FAF2: variants seen among roughly 807,000 people sequenced by gnomAD.
FAF2 encodes FAS-associated factor 2.
In FAF2, 9 loss-of-function variants were observed where a neutral mutation model predicts 62.3. The ratio of observed to expected loss-of-function variants is 0.14; its 90% CI spans 0.09 to 0.25. FAF2 has a LOEUF of 0.25. FAF2 is among the 10% of genes least tolerant of loss of function. FAF2 has a pLI of 1.00. For synonymous variants in FAF2, 202 were observed against 198.0 expected, an observed-to-expected ratio of 1.02 and a Z score of -0.17; for missense variants, 368 against 556.2, an observed-to-expected ratio of 0.66 and a Z score of 3.40.
At chr5:176,498,430 T>TA (rs1755536625) in intron 8 of FAF2, among the ~76,000 whole-genome samples, 1 of 152,214 alleles carries the variant, frequency 6.6e-6, no homozygotes, top group South Asian at 2.1e-4. Flanking sequence ...AAATAGGAGA[T>TA]ATGCCAAATG....
chr5:176,486,405 C>T lies in FAF2; in HGVS notation c.183C>T (p.Phe61=), dbSNP rs2113737194. Residue 61 remains phenylalanine, a synonymous_variant, in exon 3 of 11, where the codon TTC becomes TTT. Transcript: ENST00000261942. Reference sequence around the variant, plus strand: ...AGCAAGAGGGCGTACCTAGTGTTTTCAACCCACCTCCATCACGACCCCTGC... The same window carrying T: ...AGCAAGAGGGCGTACCTAGTGTTTTTAACCCACCTCCATCACGACCCCTGC... The part of the protein sequence containing the change: ...LNEQEGVPSV[F]NPPPSRPLQV... 1.2e-5 allele frequency: 20 copies of T among 1,614,202 alleles called. No individual in the cohort carries two copies. Among genetic ancestry groups the T allele is most frequent in the Non-Finnish European group, 1.7e-5 (20 of 1,180,024 alleles).
intron 2 of FAF2, among the ~76,000 whole-genome samples, chr5:176,479,727 C>T (rs1758758957): frequency 6.6e-6 from 1 of 151,670 alleles, no homozygotes; most frequent in Non-Finnish European, 1.5e-5. Context: ...GACAAAGTCT[C>T]GCTCCGTCTC....
intron 9 of FAF2, 73 bp downstream of exon 9, chr5:176,499,158 A>T: frequency 7.1e-7 from 1 of 1,403,064 alleles, no homozygotes; most frequent in African/African-American, 1.4e-5. Context: ...CTTAAGTGTG[A>T]AAGGAAAAAA....
intron 1 of FAF2, among the ~76,000 whole-genome samples, chr5:176,452,955 G>T (rs1758215496): frequency 6.6e-6 from 1 of 152,112 alleles, no homozygotes; most frequent in Non-Finnish European, 1.5e-5. Flanking sequence ...TCTTCATTTG[G>T]TATATTGAAA....
At position 176,509,817 on chromosome 5, in the gene FAF2, A is replaced by T. The variant is rs1016976252; in HGVS notation, c.*2867A>T. ...AGAAAATGACTGAGAAGGAGCGATA[A>T]CCCCCAGAATGCAAAATCAGGGGCA... On this transcript the variant is annotated 3_prime_UTR_variant, in exon 11 of 11. Coordinates refer to ENST00000261942, the MANE Select transcript of FAF2 (RefSeq NM_014613.3). The T allele has an allele frequency of 2.0e-5, 3 of 152,578 alleles. No homozygotes were observed. Among genetic ancestry groups the T allele is most frequent in the African/African-American group, 7.2e-5 (3 of 41,438 alleles). The allele number at this position is 152,578 out of a possible 1,614,324, so 9.5% of individuals were successfully genotyped here. A position where few individuals can be genotyped will look rare whatever the true frequency, so the allele number is the denominator to read the frequency against.
chr5:176,455,249 A>G (rs561880234), intron 1 of FAF2, among the ~76,000 whole-genome samples: 3 of 152,270 alleles, frequency 2.0e-5, no homozygotes, highest in African/African-American at 4.8e-5. Flanking sequence ...CAGCCTGGGC[A>G]ACATGGTGAA....
At chr5:176,481,279 C>T (rs1425380470) in intron 2 of FAF2, among the ~76,000 whole-genome samples, 1 of 152,110 alleles carries the variant, frequency 6.6e-6, no homozygotes, top group Non-Finnish European at 1.5e-5. Flanking sequence ...ATCTCCTGAC[C>T]TTGTGATCCA....
chr5:176,506,797 G>A lies in FAF2; in HGVS notation c.1185G>A (p.Lys395=), dbSNP rs1257824063. 5 of 1,613,760 alleles carry A rather than the reference G, an allele frequency of 3.1e-6. No individual in the cohort carries two copies. In the African/African-American group the frequency reaches 4.0e-5, roughly 13 times the overall value. Residue 395 remains lysine, a synonymous_variant, in exon 11 of 11, where the codon AAG becomes AAA. Transcript: ENST00000261942. ...TCCACGACTTCTTATTCTCCTTGAA[G>A]GAAAGCCCAGAAAAGTTTCAGATTG... ...TVIHDFLFSL[K]ESPEKFQIEA... is the part of the protein sequence containing the mutation.
chr5:176,456,026 A>G (rs963516490), intron 1 of FAF2, among the ~76,000 whole-genome samples: 6 of 152,156 alleles, frequency 3.9e-5, no homozygotes, highest in African/African-American at 1.2e-4. Context: ...ATATGATTAT[A>G]TTATACTTAA....
intron 1 of FAF2, among the ~76,000 whole-genome samples, chr5:176,449,507 G>A (rs556862232): frequency 1.3e-5 from 2 of 152,172 alleles, no homozygotes; most frequent in East Asian, 1.9e-4. Context: ...CCCGGGAGGC[G>A]GAGGTTGCAG....
At chr5:176,473,751 T>A (rs1202158947) in intron 1 of FAF2, among the ~76,000 whole-genome samples, 1 of 152,238 alleles carries the variant, frequency 6.6e-6, no homozygotes. Context: ...CTGGGATCTT[T>A]TTCAGTTGAC....
chr5:176,479,950 C>T (rs1758761868), intron 2 of FAF2, among the ~76,000 whole-genome samples: 1 of 152,196 alleles, frequency 6.6e-6, no homozygotes, highest in Non-Finnish European at 1.5e-5. Flanking sequence ...CCCGCTCAGC[C>T]TTCCAAAGTG....
chr5:176,460,626 G>C (rs1347301011), intron 1 of FAF2, among the ~76,000 whole-genome samples: 1 of 151,074 alleles, frequency 6.6e-6, no homozygotes, highest in African/African-American at 2.4e-5. Context: ...GCTCACTGCA[G>C]CCTCTGCCTC....
In FAF2 at chr5:176,509,659, A is replaced by G. The variant is rs1581080680; in HGVS notation, c.*2709A>G. On this transcript the variant is annotated 3_prime_UTR_variant, in exon 11 of 11. Coordinates refer to ENST00000261942, the MANE Select transcript of FAF2 (RefSeq NM_014613.3). ...TACTTCTTTCTCCTTGCTTGCCTCC[A>G]CCATGATATTTGAATAAGAGATGGC... The G allele has an allele frequency of 1.3e-5, 2 of 152,602 alleles. No individual in the cohort carries two copies. Among genetic ancestry groups the G allele is most frequent in the African/African-American group, 4.8e-5 (2 of 41,446 alleles). The allele number at this position is 152,602 out of a possible 1,614,324, so 9.5% of individuals were successfully genotyped here.
chr5:176,460,192 A>T lies in FAF2; in HGVS notation c.63+11722A>T, dbSNP rs150230366. Among the ~76,000 whole-genome samples the T allele has an allele frequency of 4.6e-5, 7 of 152,306 alleles. No individual in the cohort carries two copies. The East Asian group carries it at 1.3e-3, about 29-fold the overall frequency. Reference sequence around the variant, plus strand: ...TATCATGAATAATGCTGTGATCAACATATGAGTGTGTGTCTTTTTGGTAGA... The same window carrying T: ...TATCATGAATAATGCTGTGATCAACTTATGAGTGTGTGTCTTTTTGGTAGA... On this transcript the variant is annotated intron_variant, in intron 1 of 10. Transcript: ENST00000261942.
intron 1 of FAF2, among the ~76,000 whole-genome samples, chr5:176,451,823 TATATACATATATATATATACACAC>T (rs1758179908): frequency 1.8e-5 from 1 of 56,904 alleles, no homozygotes; most frequent in Non-Finnish European, 3.4e-5. Context: ...CACATATATA[TATATACATATATATATATACACAC>T]ATATATATAC....
At chr5:176,470,472 G>T (rs1025672548) in intron 1 of FAF2, among the ~76,000 whole-genome samples, 1 of 152,274 alleles carries the variant, frequency 6.6e-6, no homozygotes, top group African/African-American at 2.4e-5. Context: ...AGCTACGCGG[G>T]AGGCTGAGGC....
chr5:176,449,958 G>C (rs1758135460), intron 1 of FAF2, among the ~76,000 whole-genome samples: 1 of 152,200 alleles, frequency 6.6e-6, no homozygotes, highest in African/African-American at 2.4e-5. Flanking sequence ...AGGTTACACA[G>C]CTAGAAAATG....
At chr5:176,492,673 G>A (rs1430236652) in intron 5 of FAF2, among the ~76,000 whole-genome samples, 1 of 151,984 alleles carries the variant, frequency 6.6e-6, no homozygotes, top group Non-Finnish European at 1.5e-5. Flanking sequence ...TTTGCTAATT[G>A]GAATCTTGCC....
Sources: gnomAD v4.1 joint callset for allele counts (sites outside exome capture counted in the v4.1 genomes callset) on GRCh38, gnomAD v4.1.1 for gene constraint, MANE v1.5 for transcripts, NCBI Gene and HGNC (gene_info 2026-07-23, HGNC 2026-07-21) for gene names.